Variants in DNMT1 observed in about 807,000 individuals in gnomAD.
DNMT1 encodes the protein DNA (cytosine-5)-methyltransferase 1.
A neutral mutation model predicts 205.3 loss-of-function variants in DNMT1; 24 were observed. The observed-to-expected ratio is 0.12, with a 90% CI of 0.08 to 0.16. DNMT1 has a LOEUF of 0.16. Ranked by LOEUF, DNMT1 falls within the 10% of genes least tolerant of loss-of-function variation. The pLI is 1.00. For missense variants in DNMT1, 1,293 were observed against 2,177.7 expected, an observed-to-expected ratio of 0.59 and a Z score of 8.09; for synonymous variants, 817 against 839.8, an observed-to-expected ratio of 0.97 and a Z score of 0.47.
rs956368124 is a variant in DNMT1 at position 10,161,910 on chromosome 19, C to T, written c.1008+757G>A. Reference sequence around the variant, plus strand: ...AGCCTGGAGTGCAATGGTGTGATCTCGGCTCACTGCAACCTCTACCTCCTG... The same window carrying T: ...AGCCTGGAGTGCAATGGTGTGATCTTGGCTCACTGCAACCTCTACCTCCTG... On this transcript the variant is annotated intron_variant, in intron 13 of 40. Coordinates refer to ENST00000359526, the MANE Select transcript of DNMT1 (RefSeq NM_001130823.3). 7.9e-5 allele frequency among the ~76,000 whole-genome samples: 12 copies of T among 151,048 alleles called. No individual in the cohort carries two copies. In the East Asian group the frequency reaches 1.4e-3, roughly 17 times the overall value.
At position 10,151,614 on chromosome 19, in the gene DNMT1, AACAGGG is replaced by A. The variant is rs1315376479; in HGVS notation, c.2118-75_2118-70del. The A allele has an allele frequency of 1.2e-6, 2 of 1,611,118 alleles. No homozygotes were observed. The highest frequency in any genetic ancestry group is 2.7e-5 in the African/African-American group (2 of 74,900). On this transcript the variant is annotated intron_variant, in intron 23 of 40. Coordinates refer to ENST00000359526, the MANE Select transcript of DNMT1 (RefSeq NM_001130823.3). The surrounding 1 kb of genome is among the most constrained non-coding windows in gnomAD (Gnocchi z 5.0). ...GACCAACCGGGGCTGTTTTCTTCAT[AACAGGG>A]ACAGGTCCTGAGACAATGCCTAACG... is the stretch of plus-strand genomic sequence containing the variant.
chr19:10,165,568 T>C (rs762428816), intron 11 of DNMT1, among the ~76,000 whole-genome samples: 17 of 152,090 alleles, frequency 1.1e-4, no homozygotes, highest in Non-Finnish European at 1.5e-4. Context: ...AATTTTTATA[T>C]TTTTAGGTGA....
rs375882181 is a variant in DNMT1 at position 10,142,082 on chromosome 19, G to A, written c.3255C>T (p.Pro1085=). ...CCATGGAGTACACCTGGACGCACTCGGGCAGGTCCTCCCCATACTCCACGG... is the reference window on the plus strand; with the variant it reads ...CCATGGAGTACACCTGGACGCACTCAGGCAGGTCCTCCCCATACTCCACGG... ...RCTVEYGEDL[P]ECVQVYSMGG... Residue 1085 remains proline (P), a synonymous_variant, in exon 30 of 41, where the codon CCC becomes CCT. Transcript: ENST00000359526. 20 of 1,611,012 alleles carry A rather than the reference G, an allele frequency of 1.2e-5. No individual in the cohort carries two copies. Among genetic ancestry groups the A allele is most frequent in the African/African-American group, 4.0e-5 (3 of 74,850 alleles).
chr19:10,160,267 G>A (rs1023173776), intron 14 of DNMT1, 117 bp downstream of exon 14: 33 of 1,548,824 alleles, frequency 2.1e-5, no homozygotes, highest in Admixed American at 1.1e-4. Context: ...TCACCAACCC[G>A]ATCCAAAATG....
intron 27 of DNMT1, 149 bp downstream of exon 27, chr19:10,148,735 C>T: frequency 7.3e-7 from 1 of 1,367,720 alleles, no homozygotes; most frequent in Non-Finnish European, 1.0e-6. Context: ...CACACTTGAG[C>T]ATCATTCATA....
At chr19:10,148,173 A>T (rs1220010596) in intron 27 of DNMT1, among the ~76,000 whole-genome samples, 2 of 149,898 alleles carry the variant, frequency 1.3e-5, no homozygotes, top group African/African-American at 4.8e-5. Context: ...ATAAAAAATA[A>T]AAGCTTCCCT....
Position 10,182,063 on chromosome 19 carries a change from T to C in DNMT1, c.95A>G (p.Glu32Gly). 6.2e-7 allele frequency: 1 copy of C among 1,612,594 alleles called. No individual in the cohort carries two copies. The highest frequency in any genetic ancestry group is 8.5e-7 in the Non-Finnish European group (1 of 1,179,120). ...TACCTTTTCTGTTAAGCTGTCTCTT[T>C]CCAAATCTTTGAGCCTGGGAGGAAG... ...DDVRRRLKDL[E>G]RDSLTEKECV... Residue 32 changes from glutamate (E) to glycine (G), a missense_variant, in exon 2 of 41, where the codon GAA becomes GGA. Transcript: ENST00000359526.
In DNMT1 at chr19:10,137,453, T is replaced by C. The variant is rs1258472627; in HGVS notation, c.4294-173A>G. 1 of 787,646 alleles carries C rather than the reference T, an allele frequency of 1.3e-6. No homozygotes were observed. Among genetic ancestry groups the C allele is most frequent in the Admixed American group, 2.4e-5 (1 of 41,682 alleles). The allele number at this position is 787,646 out of a possible 1,614,324, so 48.8% of individuals were successfully genotyped here. On this transcript the variant is annotated intron_variant, in intron 36 of 40. Coordinates refer to ENST00000359526, the MANE Select transcript of DNMT1 (RefSeq NM_001130823.3). The surrounding 1 kb of genome is among the most constrained non-coding windows in gnomAD (Gnocchi z 6.4). The stretch of plus-strand genomic sequence containing the variant: ...TTGGCTCGAGGCCACGGCAGGGACC[T>C]GAGGCAGCGCAGGTGTAGGAGAGCG...
intron 1 of DNMT1, among the ~76,000 whole-genome samples, chr19:10,187,803 G>T (rs1306971417): frequency 6.6e-6 from 1 of 151,548 alleles, no homozygotes; most frequent in South Asian, 2.1e-4. Context: ...AGGAATTCAA[G>T]ACCAGCCTGA....
At chr19:10,161,254 G>A (rs770128197) in intron 13 of DNMT1, among the ~76,000 whole-genome samples, 1 of 152,094 alleles carries the variant, frequency 6.6e-6, no homozygotes, top group Non-Finnish European at 1.5e-5. Context: ...GCAGTGAGCC[G>A]ATGTCGCACC....
At position 10,133,819 on chromosome 19, in the gene DNMT1, G is replaced by A; in HGVS notation, c.4865-118C>T. ...CATTAACGTACTGATGTTAACAGCT[G>A]ACCCAATAAGTGGCAGAGTGCTAAG... On this transcript the variant is annotated intron_variant, in intron 40 of 40. Transcript: ENST00000359526. This position sits in a 1 kb window ranked among gnomAD's most constrained non-coding sequence, Gnocchi z 4.1. 3.6e-6 allele frequency: 4 copies of A among 1,122,870 alleles called. No individual in the cohort carries two copies. The highest frequency in any genetic ancestry group is 5.3e-6 in the Non-Finnish European group (4 of 758,020). The allele number at this position is 1,122,870 out of a possible 1,614,324, so 69.6% of individuals were successfully genotyped here. A position where few individuals can be genotyped will look rare whatever the true frequency, so the allele number is the denominator to read the frequency against.
chr19:10,164,616 AAAAC>A (rs373485784), intron 11 of DNMT1, among the ~76,000 whole-genome samples: 281 of 151,804 alleles, frequency 1.9e-3, no homozygotes, highest in African/African-American at 2.6e-3. Context: ...TCCTGTCTCA[AAAAC>A]AAACAAACAA....
chr19:10,160,507 A>C (rs1568238944), intron 13 of DNMT1, 89 bp from the exon 14 acceptor site: 2 of 1,436,876 alleles, frequency 1.4e-6, no homozygotes, highest in Non-Finnish European at 1.9e-6. Flanking sequence ...TGTATAAGTG[A>C]TTATCATAAA....
chr19:10,142,485 G>A (rs999386855), intron 29 of DNMT1, among the ~76,000 whole-genome samples: 1 of 147,840 alleles, frequency 6.8e-6, no homozygotes, highest in South Asian at 2.1e-4. Flanking sequence ...ACAGGGTAAA[G>A]ATCCCCCAAG....
At chr19:10,143,060 G>A (rs1026611517) in intron 29 of DNMT1, among the ~76,000 whole-genome samples, 1 of 152,174 alleles carries the variant, frequency 6.6e-6, no homozygotes, top group African/African-American at 2.4e-5. Flanking sequence ...AAGTTACTCG[G>A]GTCTTAGAAA....
chr19:10,141,032 A>C, intron 31 of DNMT1, 73 bp downstream of exon 31: 1 of 1,613,134 alleles, frequency 6.2e-7, no homozygotes, highest in South Asian at 1.1e-5. Context: ...AGGTGGTTTT[A>C]CACTGAGGGA....
intron 5 of DNMT1, among the ~76,000 whole-genome samples, chr19:10,178,372 C>T (rs1262697707): frequency 1.3e-5 from 2 of 152,056 alleles, no homozygotes. Flanking sequence ...CCTTGGCCAA[C>T]ATGGTGAAAC....
chr19:10,138,626 C>T lies in DNMT1; in HGVS notation c.3949-21G>A. The T allele has an allele frequency of 6.3e-7, 1 of 1,597,256 alleles. No individual in the cohort carries two copies. Among genetic ancestry groups the T allele is most frequent in the Non-Finnish European group, 8.5e-7 (1 of 1,178,880 alleles). On this transcript the variant is annotated intron_variant, in intron 34 of 40. Coordinates refer to ENST00000359526, the MANE Select transcript of DNMT1 (RefSeq NM_001130823.3). The surrounding 1 kb of genome is among the most constrained non-coding windows in gnomAD (Gnocchi z 4.1). ...CCGGCCTGTGGGGGAGAAGGACGGA[C>T]AACCCCACCGTCAGTGGGACACTCC...
Position 10,140,351 on chromosome 19 carries a change from A to G in DNMT1, c.3524-23T>C, listed in dbSNP as rs1384019942. The G allele has an allele frequency of 3.1e-6, 5 of 1,611,698 alleles. No individual in the cohort carries two copies. Among genetic ancestry groups the G allele is most frequent in the Non-Finnish European group, 4.2e-6 (5 of 1,179,856 alleles). On this transcript the variant is annotated intron_variant, in intron 32 of 40. Transcript: ENST00000359526. The surrounding 1 kb of genome is among the most constrained non-coding windows in gnomAD (Gnocchi z 8.4). ...TGCCTGGCAGATCAAGCACGAAGCCATGCTTTCAACTCTCCAGAAGATTTT... is the reference window on the plus strand; with the variant it reads ...TGCCTGGCAGATCAAGCACGAAGCCGTGCTTTCAACTCTCCAGAAGATTTT...
Sources: gnomAD v4.1 joint callset for allele counts (sites outside exome capture counted in the v4.1 genomes callset) on GRCh38, gnomAD v4.1.1 for gene constraint, Gnocchi (gnomAD v3.1) non-coding constraint, MANE v1.5 for transcripts, NCBI Gene and HGNC (gene_info 2026-07-23, HGNC 2026-07-21) for gene names.